AGAP1: variants seen among roughly 807,000 people sequenced by gnomAD.
AGAP1 encodes ArfGAP with GTPase domain, ankyrin repeat and PH domain 1, also known as arf-GAP with GTPase, ANK repeat and PH domain-containing protein 1.
AGAP1 carries 29 observed loss-of-function variants against 105.3 expected under a neutral mutation model. That is an observed-to-expected ratio of 0.28 (90% CI 0.21 to 0.38). The LOEUF is 0.38. Ranked by LOEUF, AGAP1 falls within the 10% of genes least tolerant of loss-of-function variation. The pLI, the probability that AGAP1 is intolerant of heterozygous loss-of-function variation, is 1.00. For synonymous variants in AGAP1, 509 were observed against 485.9 expected (o/e 1.05, Z -0.63); for missense variants, 998 against 1,165.1 (o/e 0.86, Z 2.09).
At chr2:235,682,775 T>G (rs1366729994) in intron 1 of AGAP1, among the ~76,000 whole-genome samples, 2 of 147,116 alleles carry the variant, frequency 1.4e-5, no homozygotes, top group Non-Finnish European at 3.0e-5. Context: ...GTGAGTGAAC[T>G]CGATGTGTGG....
At chr2:235,911,092 G>A (rs958037854) in intron 11 of AGAP1, among the ~76,000 whole-genome samples, 3 of 152,028 alleles carry the variant, frequency 2.0e-5, no homozygotes, top group Non-Finnish European at 4.4e-5. Flanking sequence ...ATTTTAAATT[G>A]ATAAAAATGT....
chr2:235,657,931 C>A (rs4545956), intron 1 of AGAP1, among the ~76,000 whole-genome samples: 24,817 of 152,106 alleles, frequency 0.16, 2,404 homozygotes, highest in East Asian at 0.34. Flanking sequence ...TGTGAGGACA[C>A]AGGGGGAAGA....
Position 235,566,528 on chromosome 2 carries a change from C to T in AGAP1, c.163+71679C>T, listed in dbSNP as rs942798180. On this transcript the variant is annotated intron_variant, in intron 1 of 17. Transcript: ENST00000304032. This position sits in a 1 kb window ranked among gnomAD's most constrained non-coding sequence, Gnocchi z 5.2. ...CAGTGAAAAGCACAAATCATCAGTGCGCCGTACGTTTTGGCCAGCACTTTA... is the reference window on the plus strand; with the variant it reads ...CAGTGAAAAGCACAAATCATCAGTGTGCCGTACGTTTTGGCCAGCACTTTA... 31 of 967,394 alleles carry T rather than the reference C, an allele frequency of 3.2e-5. No individual in the cohort carries two copies. Among genetic ancestry groups the T allele is most frequent in the Non-Finnish European group, 3.8e-5 (31 of 813,726 alleles). The allele number at this position is 967,394 out of a possible 1,614,324, so 59.9% of individuals were successfully genotyped here. A position where few individuals can be genotyped will look rare whatever the true frequency, so the allele number is the denominator to read the frequency against.
In AGAP1 at chr2:235,712,389, A is replaced by G. The variant is rs1373235636; in HGVS notation, c.222+3152A>G. Among the ~76,000 whole-genome samples, 1 of 152,234 alleles carries G rather than the reference A, an allele frequency of 6.6e-6. No homozygotes were observed. Among genetic ancestry groups the G allele is most frequent in the Non-Finnish European group, 1.5e-5 (1 of 68,036 alleles). Reference sequence around the variant, plus strand: ...TGCTTTTGGTGCTGCACAGGAGCCAACCGCTGCTGGCTGCAGATGTGTGCC... The same window carrying G: ...TGCTTTTGGTGCTGCACAGGAGCCAGCCGCTGCTGGCTGCAGATGTGTGCC... On this transcript the variant is annotated intron_variant, in intron 2 of 17. Transcript: ENST00000304032. This position sits in a 1 kb window ranked among gnomAD's most constrained non-coding sequence, Gnocchi z 6.0.
Position 235,963,001 on chromosome 2 carries a change from G to A in AGAP1, c.1484-5461G>A, listed in dbSNP as rs1476458950. 2.6e-5 allele frequency among the ~76,000 whole-genome samples: 4 copies of A among 152,136 alleles called. No homozygotes were observed. On this transcript the variant is annotated intron_variant, in intron 12 of 17. Transcript: ENST00000304032. The surrounding 1 kb of genome is among the most constrained non-coding windows in gnomAD (Gnocchi z 5.1). ...GGGAATCCAGAGTCCCATGGGGCTA[G>A]AAGTGCTCGTGTGGAAGGACACAAA... is the stretch of plus-strand genomic sequence containing the variant.
chr2:235,881,579 G>A (rs766116114), intron 9 of AGAP1, among the ~76,000 whole-genome samples: 7 of 152,320 alleles, frequency 4.6e-5, no homozygotes, highest in South Asian at 4.1e-4. Context: ...AGAGACTCCC[G>A]ATGTGAACGC....
intron 12 of AGAP1, among the ~76,000 whole-genome samples, chr2:235,944,772 AGT>A (rs2053413431): frequency 6.6e-6 from 1 of 152,198 alleles, no homozygotes; most frequent in Non-Finnish European, 1.5e-5. Flanking sequence ...ATCAGAAGGC[AGT>A]GGCAGCGACA....
Position 235,965,622 on chromosome 2 carries a change from G to C in AGAP1, c.1484-2840G>C, listed in dbSNP as rs2125330457. 6.6e-6 allele frequency among the ~76,000 whole-genome samples: 1 copy of C among 152,250 alleles called. No individual in the cohort carries two copies. Among genetic ancestry groups the C allele is most frequent in the South Asian group, 2.1e-4 (1 of 4,814 alleles). On this transcript the variant is annotated intron_variant, in intron 12 of 17. Coordinates refer to ENST00000304032, the MANE Select transcript of AGAP1 (RefSeq NM_001037131.3). This position sits in a 1 kb window ranked among gnomAD's most constrained non-coding sequence, Gnocchi z 5.8. ...GTTTTCTAATCTGTAAAGTGGAGGT[G>C]GTAGGGATACCACGTGCCTCAGCGG...
chr2:235,510,195 G>A (rs1942013690), intron 1 of AGAP1, among the ~76,000 whole-genome samples: 1 of 152,104 alleles, frequency 6.6e-6, no homozygotes. Flanking sequence ...TAAATGTAAT[G>A]CATTTGAATC....
At position 235,667,705 on chromosome 2, in the gene AGAP1, A is replaced by G. The variant is rs573197742; in HGVS notation, c.164-41474A>G. 6.6e-5 allele frequency among the ~76,000 whole-genome samples: 10 copies of G among 152,290 alleles called. No homozygotes were observed. The East Asian group carries it at 1.9e-3, about 29-fold the overall frequency. On this transcript the variant is annotated intron_variant, in intron 1 of 17. Transcript: ENST00000304032. ...GCCTGGCGTGGTGGCTCACGCCTGTAATCCCAGCACTCTGGGAGGCTGAGG... is the reference window on the plus strand; with the variant it reads ...GCCTGGCGTGGTGGCTCACGCCTGTGATCCCAGCACTCTGGGAGGCTGAGG...
intron 10 of AGAP1, among the ~76,000 whole-genome samples, chr2:235,899,642 T>G (rs2050969661): frequency 6.6e-6 from 1 of 152,230 alleles, no homozygotes; most frequent in South Asian, 2.1e-4. Context: ...AAGTCAAAAT[T>G]TCTAGGATCT....
At chr2:235,894,860 G>A (rs764485274) in intron 10 of AGAP1, among the ~76,000 whole-genome samples, 8 of 152,190 alleles carry the variant, frequency 5.3e-5, no homozygotes, top group East Asian at 3.9e-4. Context: ...CGATTCTGCC[G>A]TTGCCCCACC....
chr2:235,635,736 C>T lies in AGAP1; in HGVS notation c.164-73443C>T, dbSNP rs946708837. Among the ~76,000 whole-genome samples, 8 of 152,214 alleles carry T rather than the reference C, an allele frequency of 5.3e-5. No homozygotes were observed. The highest frequency in any genetic ancestry group is 3.4e-3 in the Middle Eastern group (1 of 294). ...TTGCCCGGAAGTCTGATGCGTGAGG[C>T]GGGAAGGTTAAAACTTGTTGGCTTT... On this transcript the variant is annotated intron_variant, in intron 1 of 17. Coordinates refer to ENST00000304032, the MANE Select transcript of AGAP1 (RefSeq NM_001037131.3). The surrounding 1 kb of genome is among the most constrained non-coding windows in gnomAD (Gnocchi z 5.3).
At position 235,802,689 on chromosome 2, in the gene AGAP1, T is replaced by G. The variant is rs943573200; in HGVS notation, c.957+3167T>G. 2.6e-4 allele frequency among the ~76,000 whole-genome samples: 39 copies of G among 151,930 alleles called. No homozygotes were observed. The South Asian group carries it at 3.7e-3, about 15-fold the overall frequency. On this transcript the variant is annotated intron_variant, in intron 8 of 17. Transcript: ENST00000304032. ...GTGGTTGTGGTGATGATGGTTGTGGTGGTGATGATGGTTGTGATAATGATG... is the reference window on the plus strand; with the variant it reads ...GTGGTTGTGGTGATGATGGTTGTGGGGGTGATGATGGTTGTGATAATGATG...
chr2:235,699,280 A>G (rs1881191), intron 1 of AGAP1, among the ~76,000 whole-genome samples: 103,390 of 151,938 alleles, frequency 0.68, 36,047 homozygotes, highest in African/African-American at 0.82. Flanking sequence ...TCCTGTAGAT[A>G]CAGGCAGTGT....
intron 1 of AGAP1, chr2:235,507,487 C>T (rs1457788753): frequency 6.6e-6 from 1 of 152,210 alleles, no homozygotes; most frequent in African/African-American, 2.4e-5. Flanking sequence ...CTCCAGATTC[C>T]AGAAATTTCT....
chr2:236,071,130 C>T (rs571030149), intron 16 of AGAP1, among the ~76,000 whole-genome samples: 2 of 152,356 alleles, frequency 1.3e-5, no homozygotes, highest in East Asian at 1.9e-4. Flanking sequence ...CCTGCCCAGT[C>T]GGGCTTGGAG....
chr2:235,637,451 T>TTA (rs1491514340), intron 1 of AGAP1, among the ~76,000 whole-genome samples: 1 of 123,410 alleles, frequency 8.1e-6, no homozygotes, highest in Non-Finnish European at 1.5e-5. Flanking sequence ...TGTATTATTA[T>TTA]TTTTTTTTTT....
Position 236,040,993 on chromosome 2 carries a change from T to C in AGAP1, c.1891+152T>C. The C allele has an allele frequency of 2.6e-6, 2 of 780,904 alleles. No homozygotes were observed. Among genetic ancestry groups the C allele is most frequent in the South Asian group, 3.6e-5 (2 of 56,116 alleles). 48.4% of individuals were successfully genotyped at this position (780,904 alleles called of 1,614,324 possible). The stretch of plus-strand genomic sequence containing the variant: ...AAATTGAGATATTTTGTTTGGATTT[T>C]ACCTTAACAGAGTGCCTTCCACACA... On this transcript the variant is annotated intron_variant, in intron 15 of 17. Coordinates refer to ENST00000304032, the MANE Select transcript of AGAP1 (RefSeq NM_001037131.3). This position sits in a 1 kb window ranked among gnomAD's most constrained non-coding sequence, Gnocchi z 5.6.
Sources: allele counts gnomAD v4.1 joint callset (sites outside exome capture counted in the v4.1 genomes callset), GRCh38; gene constraint gnomAD v4.1.1; non-coding constraint Gnocchi (gnomAD v3.1); transcripts MANE v1.5; gene names NCBI Gene and HGNC (gene_info 2026-07-23, HGNC 2026-07-21).